OC90: variants seen among roughly 807,000 people sequenced by gnomAD.
OC90 encodes the protein otoconin 90.
A neutral mutation model predicts 47.3 loss-of-function variants in OC90; 46 were observed. That is an observed-to-expected ratio of 0.97 (90% CI 0.77 to 1.24). OC90 has a LOEUF of 1.24. Among genes scored for constraint, OC90 ranks in the 50% most tolerant of loss-of-function variants. The pLI is 0.00. For missense variants in OC90, 688 were observed against 583.9 expected (o/e 1.18, Z -1.84); for synonymous variants, 271 against 219.5 (o/e 1.23, Z -2.07).
At chr8:132,030,242 T>C (rs1392638164) in intron 12 of OC90, among the ~76,000 whole-genome samples, 2 of 152,198 alleles carry the variant, frequency 1.3e-5, no homozygotes, top group African/African-American at 4.8e-5. Flanking sequence ...AAAATACTCA[T>C]AAAATCACTG....
At chr8:132,040,180 G>A (rs1357224378) in intron 6 of OC90, among the ~76,000 whole-genome samples, 1 of 152,178 alleles carries the variant, frequency 6.6e-6, no homozygotes, top group African/African-American at 2.4e-5. Context: ...CCATACTCCA[G>A]CCAGTCCATG....
chr8:132,053,366 A>T (rs1823242281), intron 2 of OC90, among the ~76,000 whole-genome samples: 1 of 152,220 alleles, frequency 6.6e-6, no homozygotes, highest in Non-Finnish European at 1.5e-5. Context: ...TACATATATA[A>T]CAGAAACCAC....
chr8:132,026,874 C>T (rs180901981), intron 13 of OC90, among the ~76,000 whole-genome samples: 1 of 152,162 alleles, frequency 6.6e-6, no homozygotes, highest in African/African-American at 2.4e-5. Flanking sequence ...TGATCTGGCA[C>T]CTGTCTGTCT....
At chr8:132,037,719 A>G (rs1387232298) in intron 8 of OC90, among the ~76,000 whole-genome samples, 1 of 152,228 alleles carries the variant, frequency 6.6e-6, no homozygotes, top group East Asian at 1.9e-4. Flanking sequence ...GCACAGCCAC[A>G]GCTGGGTTCA....
chr8:132,037,209 T>C (rs2130856037), intron 9 of OC90, among the ~76,000 whole-genome samples: 1 of 152,314 alleles, frequency 6.6e-6, no homozygotes, highest in African/African-American at 2.4e-5. Context: ...TGGATATGTG[T>C]CCCCACCCAA....
intron 4 of OC90, among the ~76,000 whole-genome samples, chr8:132,044,007 C>A (rs902604771): frequency 6.6e-6 from 1 of 152,144 alleles, no homozygotes; most frequent in African/African-American, 2.4e-5. Flanking sequence ...CTTTGACACA[C>A]TTTGACGTTC....
chr8:132,036,797 T>C (rs190369453), intron 9 of OC90, among the ~76,000 whole-genome samples: 130 of 152,340 alleles, frequency 8.5e-4, no homozygotes, highest in Non-Finnish European at 1.4e-3. Context: ...CGATCACCTG[T>C]CTTAAAATGG....
chr8:132,055,786 G>A (rs1823273162), intron 1 of OC90, among the ~76,000 whole-genome samples: 2 of 152,138 alleles, frequency 1.3e-5, no homozygotes, highest in African/African-American at 4.8e-5. Context: ...AGCGGGCAGA[G>A]TCCAGCAACC....
At chr8:132,050,900 A>G (rs1018546284) in intron 2 of OC90, among the ~76,000 whole-genome samples, 1 of 152,198 alleles carries the variant, frequency 6.6e-6, no homozygotes, top group African/African-American at 2.4e-5. Context: ...AGGCTGAGGC[A>G]GGAGAATTGC....
chr8:132,041,753 G>A (rs560585784), intron 4 of OC90, 54 bp from the exon 5 acceptor site: 16 of 1,143,626 alleles, frequency 1.4e-5, no homozygotes, highest in South Asian at 8.2e-5. Context: ...GACTAGGAGG[G>A]CGTCCCTGTC....
At chr8:132,024,888 A>C in intron 13 of OC90, 112 bp from the exon 14 acceptor site, 1 of 856,792 alleles carries the variant, frequency 1.2e-6, no homozygotes, top group Non-Finnish European at 1.8e-6. Context: ...TCTTCCACAC[A>C]CCTTCAGGGT....
chr8:132,037,530 C>G, intron 8 of OC90, 42 bp from the exon 9 acceptor site: 3 of 1,536,110 alleles, frequency 2.0e-6, no homozygotes, highest in Non-Finnish European at 2.7e-6. Flanking sequence ...TCATGCAACA[C>G]AGTGTCAAAA....
intron 1 of OC90, among the ~76,000 whole-genome samples, chr8:132,057,613 G>A (rs952836249): frequency 4.6e-5 from 7 of 152,186 alleles, no homozygotes; most frequent in Admixed American, 3.3e-4. Flanking sequence ...ATGCTCCTCA[G>A]CTGTACACTT....
At chr8:132,034,873 C>T (rs1223132240) in intron 9 of OC90, 39 bp from the exon 10 acceptor site, 1 of 1,530,360 alleles carries the variant, frequency 6.5e-7, no homozygotes, top group African/African-American at 1.4e-5. Context: ...AGCATCCACC[C>T]CAGCCTGTCC....
At chr8:132,030,162 T>A (rs1822853413) in intron 12 of OC90, among the ~76,000 whole-genome samples, 1 of 152,222 alleles carries the variant, frequency 6.6e-6, no homozygotes, top group Admixed American at 6.5e-5. Context: ...CAGGGATGGG[T>A]GGGGATGGAT....
Position 132,041,709 on chromosome 8 carries a change from T to TGGGGGGGGG in OC90, c.170-11_170-10insCCCCCCCCC. On this transcript the variant is annotated splice_polypyrimidine_tract_variant and intron_variant, in intron 4 of 13. Coordinates refer to ENST00000254627, the MANE Select transcript of OC90 (RefSeq NM_001080399.3). ...TGGGGGCCCAGGCAATCTGTGGGGG[T>TGGGGGGGGG]GGGGGGCAGGGCCTGATAAGCACTG... The TGGGGGGGGG allele has an allele frequency of 1.8e-6, 1 of 566,046 alleles. No individual in the cohort carries two copies. Among genetic ancestry groups the TGGGGGGGGG allele is most frequent in the Admixed American group, 3.3e-5 (1 of 30,692 alleles). 35.1% of individuals were successfully genotyped at this position (566,046 alleles called of 1,614,324 possible). A position where few individuals can be genotyped will look rare whatever the true frequency, so the allele number is the denominator to read the frequency against.
intron 12 of OC90, among the ~76,000 whole-genome samples, chr8:132,030,436 T>C (rs1329896995): frequency 6.6e-6 from 1 of 152,244 alleles, no homozygotes; most frequent in Non-Finnish European, 1.5e-5. Flanking sequence ...TCAAATTTTA[T>C]ATTTTTGTGA....
In OC90 at chr8:132,024,434, G is replaced by A; in HGVS notation, c.*47C>T. 1 of 1,390,280 alleles carries A rather than the reference G, an allele frequency of 7.2e-7. No individual in the cohort carries two copies. Among genetic ancestry groups the A allele is most frequent in the Admixed American group, 2.3e-5 (1 of 43,822 alleles). The allele number at this position is 1,390,280 out of a possible 1,614,324, so 86.1% of individuals were successfully genotyped here. ...GCTGAGAGATAAAGAGCTGAAGGTGGAGCAGGAGCCACGCTACTGAAGGTG... is the reference window on the plus strand; with the variant it reads ...GCTGAGAGATAAAGAGCTGAAGGTGAAGCAGGAGCCACGCTACTGAAGGTG... On this transcript the variant is annotated 3_prime_UTR_variant, in exon 14 of 14. Transcript: ENST00000254627.
At chr8:132,054,171 T>C (rs10808597) in intron 2 of OC90, among the ~76,000 whole-genome samples, 44,882 of 152,022 alleles carry the variant, frequency 0.3, 7,013 homozygotes, top group African/African-American at 0.39. Context: ...TGCCTGCTCC[T>C]AGCCAATGTC....
Sources: gnomAD v4.1 joint callset for allele counts (sites outside exome capture counted in the v4.1 genomes callset) on GRCh38, gnomAD v4.1.1 for gene constraint, MANE v1.5 for transcripts, NCBI Gene and HGNC (gene_info 2026-07-23, HGNC 2026-07-21) for gene names.